Variants in DSCAM observed in about 807,000 individuals in gnomAD.
DSCAM encodes DS cell adhesion molecule.
Under a neutral mutation model 217.7 loss-of-function variants are expected in DSCAM, and 47 were observed. The ratio of observed to expected loss-of-function variants is 0.22; its 90% CI spans 0.17 to 0.28. The LOEUF (loss-of-function observed/expected upper bound fraction) is 0.28. Among genes scored for constraint, DSCAM ranks in the 10% least tolerant of loss-of-function variants. The probability of loss-of-function intolerance (pLI) is 1.00; values close to 1 mark genes in which losing one functional copy is unlikely to be tolerated. For synonymous variants in DSCAM, 1,056 were observed against 1,015.3 expected, an observed-to-expected ratio of 1.04 and a Z score of -0.76; for missense variants, 2,080 against 2,618.3, an observed-to-expected ratio of 0.79 and a Z score of 4.49.
chr21:40,540,900 A>T (rs575863359), intron 3 of DSCAM, among the ~76,000 whole-genome samples: 2 of 149,504 alleles, frequency 1.3e-5, no homozygotes, highest in East Asian at 3.9e-4. Flanking sequence ...TGTTTGGGGT[A>T]TTTTTTTTTT....
At chr21:40,619,172 G>T (rs530382908) in intron 3 of DSCAM, among the ~76,000 whole-genome samples, 1 of 152,234 alleles carries the variant, frequency 6.6e-6, no homozygotes, top group South Asian at 2.1e-4. Context: ...TATAACAAAA[G>T]GAAGTAAACT....
chr21:40,519,466 T>C (rs2076341477), intron 3 of DSCAM, among the ~76,000 whole-genome samples: 1 of 152,130 alleles, frequency 6.6e-6, no homozygotes, highest in South Asian at 2.1e-4. Flanking sequence ...TGTGCACTCT[T>C]AAAAGACACC....
intron 32 of DSCAM, among the ~76,000 whole-genome samples, chr21:40,032,956 T>TAACA (rs2088555975): frequency 6.6e-6 from 1 of 152,172 alleles, no homozygotes; most frequent in East Asian, 1.9e-4. Flanking sequence ...AGCCTCCAAC[T>TAACA]AACAAAGCAT....
At chr21:40,723,079 T>A (rs1304735450) in intron 1 of DSCAM, among the ~76,000 whole-genome samples, 1 of 147,682 alleles carries the variant, frequency 6.8e-6, no homozygotes, top group Non-Finnish European at 1.5e-5. Flanking sequence ...GAGAGCTGGG[T>A]CTCTCTCGCT....
intron 1 of DSCAM, among the ~76,000 whole-genome samples, chr21:40,795,374 C>G (rs2091683094): frequency 6.6e-6 from 1 of 151,578 alleles, no homozygotes; most frequent in African/African-American, 2.4e-5. Context: ...TTTCGAAATC[C>G]AAGGTCATAT....
At chr21:40,521,089 G>C (rs2076355139) in intron 3 of DSCAM, among the ~76,000 whole-genome samples, 1 of 152,142 alleles carries the variant, frequency 6.6e-6, no homozygotes. Flanking sequence ...ACTGTATGTA[G>C]AACAGTGTTT....
Position 40,078,856 on chromosome 21 carries a change from C to T in DSCAM, c.4542G>A (p.Arg1514=), listed in dbSNP as rs908117385. 9 of 1,614,220 alleles carry T rather than the reference C, an allele frequency of 5.6e-6. No individual in the cohort carries two copies. The highest frequency in any genetic ancestry group is 7.6e-6 in the Non-Finnish European group (9 of 1,180,046). The change falls in exon 26 of 33, where the codon AGG becomes AGA. Residue 1514 remains arginine, a synonymous_variant. Coordinates refer to ENST00000400454, the MANE Select transcript of DSCAM (RefSeq NM_001389.5). ...TGGTCCAAACTGTGGTCCCAAAGGGCCTGTACTCTAGTGTGAAGGAGGTGA... is the reference window on the plus strand; with the variant it reads ...TGGTCCAAACTGTGGTCCCAAAGGGTCTGTACTCTAGTGTGAAGGAGGTGA... The part of the protein sequence containing the change: ...CPITSFTLEY[R]PFGTTVWTTA...
rs1047316725 is a variant in DSCAM, at chr21:40,503,226, C to T, written c.509-133981G>A. Among the ~76,000 whole-genome samples, 5 of 152,148 alleles carry T rather than the reference C, an allele frequency of 3.3e-5. No individual in the cohort carries two copies. The East Asian group carries it at 9.6e-4, about 29-fold the overall frequency. ...GGGTTGCAGGGCTAAATTCAAAGAGCGCTCCACCGACCTTGGAGCTGAGGC... is the reference window on the plus strand; with the variant it reads ...GGGTTGCAGGGCTAAATTCAAAGAGTGCTCCACCGACCTTGGAGCTGAGGC... On this transcript the variant is annotated intron_variant, in intron 3 of 32. Coordinates refer to ENST00000400454, the MANE Select transcript of DSCAM (RefSeq NM_001389.5).
At chr21:40,689,789 CA>C (rs1352075509) in intron 3 of DSCAM, among the ~76,000 whole-genome samples, 2 of 152,206 alleles carry the variant, frequency 1.3e-5, no homozygotes, top group African/African-American at 4.8e-5. Context: ...AGTTTATATA[CA>C]AAGCAGAGAC....
intron 3 of DSCAM, among the ~76,000 whole-genome samples, chr21:40,374,641 T>C (rs117638275): frequency 4.5e-3 from 679 of 152,336 alleles, no homozygotes; most frequent in Non-Finnish European, 7.4e-3. Context: ...AATGTTTGCA[T>C]CTGCACAAAA....
At chr21:40,233,669 G>C (rs749394492) in intron 11 of DSCAM, among the ~76,000 whole-genome samples, 1 of 152,082 alleles carries the variant, frequency 6.6e-6, no homozygotes, top group African/African-American at 2.4e-5. Flanking sequence ...CCTGGTGTAT[G>C]CCCTTTCATA....
intron 21 of DSCAM, 89 bp downstream of exon 21, chr21:40,093,632 G>C (rs914406820): frequency 5.5e-6 from 8 of 1,461,570 alleles, no homozygotes; most frequent in Non-Finnish European, 7.5e-6. Flanking sequence ...TTGATTTTTA[G>C]GAAAGTGTAA....
intron 18 of DSCAM, among the ~76,000 whole-genome samples, chr21:40,138,380 TTGTGTGA>T (rs1055157749): frequency 1.3e-5 from 2 of 149,900 alleles, no homozygotes; most frequent in African/African-American, 4.9e-5. Context: ...GTTACATGTG[TTGTGTGA>T]TGTGTGGTGT....
At chr21:40,424,308 C>A (rs2075451854) in intron 3 of DSCAM, among the ~76,000 whole-genome samples, 1 of 152,024 alleles carries the variant, frequency 6.6e-6, no homozygotes, top group Non-Finnish European at 1.5e-5. Flanking sequence ...TTAAATGAGG[C>A]CATTAGGATG....
chr21:40,712,469 C>CAA lies in DSCAM; in HGVS notation c.44-3700_44-3699dup, dbSNP rs571819417. Among the ~76,000 whole-genome samples, 121 of 27,266 alleles carry CAA rather than the reference C, an allele frequency of 4.4e-3. 6 individuals carry two copies. Among genetic ancestry groups the CAA allele is most frequent in the African/African-American group, 7.0e-3 (63 of 8,938 alleles). 17.9% of individuals were successfully genotyped at this position (27,266 alleles called of 152,430 possible). Reference sequence around the variant, plus strand: ...TGGGCGACAGAGCGAGACTCCGTCTCAAAAAAAAAAAAAAAAAAAAAAAAA... The same window carrying CAA: ...TGGGCGACAGAGCGAGACTCCGTCTCAAAAAAAAAAAAAAAAAAAAAAAAAAA... On this transcript the variant is annotated intron_variant, in intron 1 of 32. Coordinates refer to ENST00000400454, the MANE Select transcript of DSCAM (RefSeq NM_001389.5).
intron 11 of DSCAM, among the ~76,000 whole-genome samples, chr21:40,246,947 C>A (rs1422898334): frequency 6.6e-6 from 1 of 152,068 alleles, no homozygotes; most frequent in Non-Finnish European, 1.5e-5. Flanking sequence ...ATTTATAGCT[C>A]CATATGGCTG....
chr21:40,623,301 G>A (rs2089548326), intron 3 of DSCAM, among the ~76,000 whole-genome samples: 2 of 152,064 alleles, frequency 1.3e-5, no homozygotes, highest in African/African-American at 4.8e-5. Flanking sequence ...AATCTTTATA[G>A]AGCAAAGTTC....
intron 3 of DSCAM, among the ~76,000 whole-genome samples, chr21:40,684,078 G>T (rs1190982186): frequency 6.7e-6 from 1 of 148,318 alleles, no homozygotes; most frequent in Non-Finnish European, 1.5e-5. Flanking sequence ...AAAAAAAATA[G>T]CCAGGTGTGG....
At chr21:40,377,848 T>A (rs185616887) in intron 3 of DSCAM, among the ~76,000 whole-genome samples, 1 of 152,126 alleles carries the variant, frequency 6.6e-6, no homozygotes, top group Non-Finnish European at 1.5e-5. Flanking sequence ...GGGCCTCAGC[T>A]CCCTGCCTTC....
Sources: gnomAD v4.1 joint callset for allele counts (sites outside exome capture counted in the v4.1 genomes callset) on GRCh38, gnomAD v4.1.1 for gene constraint, MANE v1.5 for transcripts, NCBI Gene and HGNC (gene_info 2026-07-23, HGNC 2026-07-21) for gene names.